The following MDGA1 variants were observed in gnomAD, a reference collection of about 807,000 sequenced individuals.
MDGA1 encodes the protein MAM domain-containing glycosylphosphatidylinositol anchor protein 1.
MDGA1 carries 54 observed loss-of-function variants against 101.5 expected under a neutral mutation model. That is an observed-to-expected ratio of 0.53 (90% CI 0.43 to 0.67). MDGA1 has a LOEUF of 0.67. Ranked by LOEUF, MDGA1 falls within the 30% of genes least tolerant of loss-of-function variation. MDGA1 has a pLI of 0.00. For missense variants in MDGA1, 1,083 were observed against 1,323.8 expected (o/e 0.82, Z 2.82); for synonymous variants, 533 against 558.3 (o/e 0.95, Z 0.64).
Position 37,652,013 on chromosome 6 carries a change from G to A in MDGA1, c.1310C>T (p.Thr437Ile), listed in dbSNP as rs1418061135. Residue 437 changes from threonine to isoleucine, a missense_variant and splice_region_variant, in exon 7 of 17, where the codon ACA becomes ATA. Around this residue, in one of 3 missense-constraint regions of MDGA1, gnomAD observed 657 missense variants for 771.4 expected, o/e 0.85. Coordinates refer to ENST00000434837, the MANE Select transcript of MDGA1 (RefSeq NM_153487.4). This position sits in a 1 kb window ranked among gnomAD's most constrained non-coding sequence, Gnocchi z 4.3. Reference sequence around the variant, plus strand: ...GCAGTGCCCCTCCAGCTGCCCACCTGTCTCAGAGGAGATGTTGACCTCGAC... The same window carrying A: ...GCAGTGCCCCTCCAGCTGCCCACCTATCTCAGAGGAGATGTTGACCTCGAC... ...LSVEVNISSE[T>I]VPPTISVPKG... 7 of 1,584,920 alleles carry A rather than the reference G, an allele frequency of 4.4e-6. No homozygotes were observed. The Admixed American group carries it at 1.0e-4, about 23-fold the overall frequency.
Position 37,638,406 on chromosome 6 carries a change from C to A in MDGA1, c.2668-93G>T. The A allele has an allele frequency of 6.6e-7, 1 of 1,516,858 alleles. No individual in the cohort carries two copies. The highest frequency in any genetic ancestry group is 9.0e-7 in the Non-Finnish European group (1 of 1,113,262). 94.0% of individuals were successfully genotyped at this position (1,516,858 alleles called of 1,614,324 possible). On this transcript the variant is annotated intron_variant, in intron 15 of 16. Transcript: ENST00000434837. This position sits in a 1 kb window ranked among gnomAD's most constrained non-coding sequence, Gnocchi z 4.8. ...CGACCCCACCTTTCCCCTTAATCTACCTGGAAGTTCCCCCTAACCTGACTC... is the reference window on the plus strand; with the variant it reads ...CGACCCCACCTTTCCCCTTAATCTAACTGGAAGTTCCCCCTAACCTGACTC...
chr6:37,658,494 A>G (rs1761547593), intron 2 of MDGA1, 75 bp from the exon 3 acceptor site: 2 of 1,405,726 alleles, frequency 1.4e-6, no homozygotes, highest in African/African-American at 2.9e-5. Context: ...AGTGCCCTGC[A>G]ACGGCACCCC....
intron 1 of MDGA1, among the ~76,000 whole-genome samples, chr6:37,693,425 T>C (rs1165773352): frequency 6.6e-6 from 1 of 152,252 alleles, no homozygotes; most frequent in Non-Finnish European, 1.5e-5. Flanking sequence ...CATAGGATAG[T>C]AGTTTCTGAT....
intron 1 of MDGA1, among the ~76,000 whole-genome samples, chr6:37,692,755 C>T (rs1691434332): frequency 6.6e-6 from 1 of 151,930 alleles, no homozygotes; most frequent in African/African-American, 2.4e-5. Context: ...GAGGCTTTGC[C>T]ACCTTGGTCC....
chr6:37,676,277 A>C (rs4714092), intron 1 of MDGA1, among the ~76,000 whole-genome samples: 124,691 of 152,230 alleles, frequency 0.82, 51,390 homozygotes, highest in African/African-American at 0.9. Context: ...AGGCCTCCAA[A>C]CCAGAAGGCA....
At chr6:37,647,008 CT>C (rs1761217808) in intron 10 of MDGA1, among the ~76,000 whole-genome samples, 164 bp downstream of exon 10, 1 of 152,200 alleles carries the variant, frequency 6.6e-6, no homozygotes, top group Admixed American at 6.5e-5. Context: ...CAATCTCTTG[CT>C]GCTATGTCCA....
intron 1 of MDGA1, among the ~76,000 whole-genome samples, chr6:37,665,374 T>C (rs1471076813): frequency 1.3e-5 from 2 of 152,046 alleles, no homozygotes; most frequent in Non-Finnish European, 2.9e-5. Context: ...GGTGTTAAAA[T>C]AGAAATCATA....
rs955708271 is a variant in MDGA1 at position 37,697,440 on chromosome 6, C to A, written c.-629G>T. 6.6e-6 allele frequency: 1 copy of A among 152,116 alleles called. No individual in the cohort carries two copies. Among genetic ancestry groups the A allele is most frequent in the African/African-American group, 2.4e-5 (1 of 41,420 alleles). The allele number at this position is 152,116 out of a possible 1,614,324, so 9.4% of individuals were successfully genotyped here. A position where few individuals can be genotyped will look rare whatever the true frequency, so the allele number is the denominator to read the frequency against. ...GCTGGGTTCGGCCGAGGGACGAGCG[C>A]CGCGGGTCCCCGGGTCCGTGAAGTT... On this transcript the variant is annotated 5_prime_UTR_variant, in exon 1 of 17. Transcript: ENST00000434837.
rs1336524320 is a variant in MDGA1, at chr6:37,633,657, T to A, written c.*3711A>T. The A allele has an allele frequency of 6.6e-6, 1 of 152,108 alleles. No individual in the cohort carries two copies. Among genetic ancestry groups the A allele is most frequent in the Non-Finnish European group, 1.5e-5 (1 of 68,096 alleles). The allele number at this position is 152,108 out of a possible 1,614,324, so 9.4% of individuals were successfully genotyped here. ...CCAGGCCTGTCATGGGGCAGAAGGG[T>A]CTGCAGCCTGGGATGAGAGGCCAGA... On this transcript the variant is annotated 3_prime_UTR_variant, in exon 17 of 17. Transcript: ENST00000434837.
chr6:37,646,493 A>G (rs1178938877), intron 10 of MDGA1, 118 bp from the exon 11 acceptor site: 1 of 768,958 alleles, frequency 1.3e-6, no homozygotes, highest in Non-Finnish European at 1.9e-6. Context: ...TCATAATAAA[A>G]ATGATGACAG....
intron 1 of MDGA1, among the ~76,000 whole-genome samples, chr6:37,679,060 C>T (rs1468637024): frequency 1.3e-5 from 2 of 151,880 alleles, no homozygotes; most frequent in Admixed American, 1.3e-4. Flanking sequence ...TTGAGAAATG[C>T]AATACCTGCC....
intron 1 of MDGA1, among the ~76,000 whole-genome samples, chr6:37,669,887 C>G (rs1761833546): frequency 6.6e-6 from 1 of 151,964 alleles, no homozygotes; most frequent in South Asian, 2.1e-4. Flanking sequence ...AGATGGATAG[C>G]AAAAAAGGAA....
At chr6:37,643,694 G>A in intron 14 of MDGA1, 115 bp downstream of exon 14, 1 of 1,437,918 alleles carries the variant, frequency 7.0e-7, no homozygotes, top group Non-Finnish European at 9.5e-7. Context: ...CTCTCATTTA[G>A]CCAAGTGGGG....
chr6:37,661,236 A>G (rs1424941151), intron 2 of MDGA1, among the ~76,000 whole-genome samples: 2 of 152,198 alleles, frequency 1.3e-5, no homozygotes, highest in Non-Finnish European at 2.9e-5. Context: ...TACAACTATC[A>G]GTAGTGTGTA....
intron 1 of MDGA1, among the ~76,000 whole-genome samples, chr6:37,675,190 A>G (rs1271484251): frequency 1.3e-5 from 2 of 152,194 alleles, no homozygotes; most frequent in Non-Finnish European, 2.9e-5. Flanking sequence ...AGGGCTGCTC[A>G]ACGGCATAGG....
At chr6:37,672,999 T>C (rs1271247107) in intron 1 of MDGA1, among the ~76,000 whole-genome samples, 2 of 139,762 alleles carry the variant, frequency 1.4e-5, no homozygotes, top group East Asian at 4.5e-4. Context: ...TTTATTGACA[T>C]TTACTCTGCC....
chr6:37,683,520 CT>C (rs76155490), intron 1 of MDGA1, among the ~76,000 whole-genome samples: 14,100 of 152,278 alleles, frequency 0.093, 1,000 homozygotes, highest in East Asian at 0.37. Context: ...CTGCGGGCAC[CT>C]CTCTGCCTGA....
At chr6:37,675,297 A>C (rs922201208) in intron 1 of MDGA1, among the ~76,000 whole-genome samples, 5 of 152,190 alleles carry the variant, frequency 3.3e-5, no homozygotes, top group African/African-American at 1.2e-4. Flanking sequence ...CTTCATCTGC[A>C]AAATGGGGAT....
At chr6:37,687,865 CTG>C (rs1033481408) in intron 1 of MDGA1, among the ~76,000 whole-genome samples, 12 of 152,108 alleles carry the variant, frequency 7.9e-5, no homozygotes, top group African/African-American at 2.4e-4. Context: ...TCAAAGAAAA[CTG>C]TGTTTCTGAA....
Sources: gnomAD v4.1 joint callset for allele counts (sites outside exome capture counted in the v4.1 genomes callset) on GRCh38, gnomAD v4.1.1 for gene constraint, gnomAD v4.1.1 regional missense constraint, Gnocchi (gnomAD v3.1) non-coding constraint, MANE v1.5 for transcripts, NCBI Gene and HGNC (gene_info 2026-07-23, HGNC 2026-07-21) for gene names.